The following ARID2 variants were observed in gnomAD, a reference collection of about 807,000 sequenced individuals.
The protein encoded by ARID2 is AT-rich interactive domain-containing protein 2.
In ARID2, 32 loss-of-function variants were observed where a neutral mutation model predicts 184.6. That is an observed-to-expected ratio of 0.17 (90% CI 0.13 to 0.23). ARID2 has a LOEUF of 0.23. Among genes scored for constraint, ARID2 ranks in the 10% least tolerant of loss-of-function variants. The probability of loss-of-function intolerance (pLI) is 1.00; values close to 1 mark genes in which losing one functional copy is unlikely to be tolerated. For missense variants in ARID2, 1,696 were observed against 2,197.6 expected, an observed-to-expected ratio of 0.77 and a Z score of 4.56; for synonymous variants, 836 against 772.6, an observed-to-expected ratio of 1.08 and a Z score of -1.36.
chr12:45,855,972 C>T (rs1475772450), intron 15 of ARID2, among the ~76,000 whole-genome samples: 2 of 152,062 alleles, frequency 1.3e-5, no homozygotes, highest in Admixed American at 1.3e-4. Flanking sequence ...CTTGAGTGAT[C>T]CCCGCGCCTT....
rs535489501 is a variant in ARID2, at chr12:45,746,896, A to G, written c.284+15582A>G. Among the ~76,000 whole-genome samples, 200 of 152,216 alleles carry G rather than the reference A, an allele frequency of 1.3e-3. 1 individual carries two copies. The highest frequency in any genetic ancestry group is 4.6e-3 in the African/African-American group (193 of 41,536). ...ATTCTCCTGCCTCAGCCTCCCGAGT[A>G]GCTGGGACTACAGGCGCTCGCCACC... On this transcript the variant is annotated intron_variant, in intron 3 of 20. Transcript: ENST00000334344.
At chr12:45,834,882 G>C (rs1404990563) in intron 6 of ARID2, among the ~76,000 whole-genome samples, 1 of 151,934 alleles carries the variant, frequency 6.6e-6, no homozygotes, top group Admixed American at 6.6e-5. Context: ...AGTTTGTAGT[G>C]CTTCTGAAAT....
intron 20 of ARID2, among the ~76,000 whole-genome samples, chr12:45,900,121 C>T (rs890932468): frequency 3.3e-5 from 5 of 152,046 alleles, no homozygotes; most frequent in East Asian, 1.9e-4. Flanking sequence ...AGTTCCGTGG[C>T]GTGATCTCGG....
At chr12:45,900,471 C>A (rs1298187911) in intron 20 of ARID2, among the ~76,000 whole-genome samples, 1 of 152,156 alleles carries the variant, frequency 6.6e-6, no homozygotes, top group Non-Finnish European at 1.5e-5. Context: ...ATCTTTCAAG[C>A]CTGTCAATAA....
rs766885599 is a variant in ARID2, at chr12:45,851,803, A to G, written c.3680A>G (p.Gln1227Arg). ...GCCACTCAAGCATCTCCTGCTGGAC[A>G]ATCATCATGTACTACTGCTACTCCC... ...LPATQASPAG[Q>R]SSCTTATPPF... Residue 1227 changes from glutamine to arginine, a missense_variant, in exon 15 of 21, where the codon CAA (glutamine) becomes CGA (arginine). Coordinates refer to ENST00000334344, the MANE Select transcript of ARID2 (RefSeq NM_152641.4). The G allele has an allele frequency of 6.2e-6, 10 of 1,614,178 alleles. No homozygotes were observed. Among genetic ancestry groups the G allele is most frequent in the South Asian group, 4.4e-5 (4 of 91,088 alleles).
At chr12:45,901,353 G>C (rs1432437588) in intron 20 of ARID2, among the ~76,000 whole-genome samples, 1 of 151,066 alleles carries the variant, frequency 6.6e-6, no homozygotes, top group African/African-American at 2.4e-5. Context: ...TGTATATTTA[G>C]TAGAGACAGG....
At position 45,899,711 on chromosome 12, in the gene ARID2, TTA is replaced by T. The variant is rs1223363269; in HGVS notation, c.5364-5213_5364-5212del. Among the ~76,000 whole-genome samples, 6 of 132,960 alleles carry T rather than the reference TTA, an allele frequency of 4.5e-5. 1 individual carries two copies. The highest frequency in any genetic ancestry group is 4.3e-4 in the East Asian group (2 of 4,700). 87.2% of individuals were successfully genotyped at this position (132,960 alleles called of 152,430 possible). A position where few individuals can be genotyped will look rare whatever the true frequency, so the allele number is the denominator to read the frequency against. ...TATATATGGTTATATATATATATGG[TTA>T]TATATATATGGTTATATATATATGG... is the stretch of plus-strand genomic sequence containing the variant. On this transcript the variant is annotated intron_variant, in intron 20 of 20. Transcript: ENST00000334344.
intron 4 of ARID2, among the ~76,000 whole-genome samples, 173 bp downstream of exon 4, chr12:45,811,724 G>A (rs1325081933): frequency 6.6e-6 from 1 of 152,124 alleles, no homozygotes; most frequent in African/African-American, 2.4e-5. Context: ...TCTCTCACAG[G>A]TTACTTGAGA....
intron 5 of ARID2, 43 bp downstream of exon 5, chr12:45,817,931 G>GTTT: frequency 1.5e-6 from 2 of 1,331,494 alleles, no homozygotes; most frequent in South Asian, 1.5e-5. Context: ...TTCTGTAAAA[G>GTTT]TTTTTTTTTT....
chr12:45,889,135 T>C (rs1410552830), intron 16 of ARID2, among the ~76,000 whole-genome samples: 1 of 152,170 alleles, frequency 6.6e-6, no homozygotes, highest in East Asian at 1.9e-4. Context: ...TGAGCCAAGA[T>C]TGTGCCCCTG....
chr12:45,863,588 T>C (rs1943784283), intron 16 of ARID2, among the ~76,000 whole-genome samples: 1 of 151,896 alleles, frequency 6.6e-6, no homozygotes, highest in Non-Finnish European at 1.5e-5. Context: ...CACTGTCTCT[T>C]TTTAAAAAAA....
At chr12:45,825,586 T>A (rs1479696726) in intron 6 of ARID2, among the ~76,000 whole-genome samples, 1 of 152,204 alleles carries the variant, frequency 6.6e-6, no homozygotes, top group East Asian at 1.9e-4. Flanking sequence ...GTATTATAAA[T>A]TGTCTTTAAT....
intron 3 of ARID2, among the ~76,000 whole-genome samples, chr12:45,758,372 G>A (rs1456469505): frequency 6.6e-6 from 1 of 151,612 alleles, no homozygotes; most frequent in Non-Finnish European, 1.5e-5. Flanking sequence ...TTTTTTGTGC[G>A]ATCGATTTTT....
chr12:45,904,277 C>T (rs894877017), intron 20 of ARID2: 4 of 699,736 alleles, frequency 5.7e-6, no homozygotes, highest in Non-Finnish European at 5.3e-6. Context: ...TTCATGTCAT[C>T]CCTTAAAAGC....
intron 20 of ARID2, among the ~76,000 whole-genome samples, chr12:45,901,228 T>TG (rs1174233306): frequency 3.8e-5 from 5 of 130,100 alleles, no homozygotes; most frequent in African/African-American, 2.9e-5. Context: ...TGGAATGCAG[T>TG]GGCACGATCT....
At chr12:45,904,345 CATGA>C (rs746713010) in intron 20 of ARID2, 7 of 715,888 alleles carry the variant, frequency 9.8e-6, no homozygotes, top group South Asian at 3.0e-5. Flanking sequence ...TTTCTAGAAA[CATGA>C]ATGAAGATTG....
intron 3 of ARID2, among the ~76,000 whole-genome samples, chr12:45,737,434 C>G (rs1216398491): frequency 1.3e-5 from 2 of 151,156 alleles, no homozygotes; most frequent in African/African-American, 4.9e-5. Flanking sequence ...TAAATTCTGG[C>G]TTTGATTGCT....
chr12:45,861,209 A>G (rs987732226), intron 16 of ARID2, among the ~76,000 whole-genome samples: 12 of 152,220 alleles, frequency 7.9e-5, no homozygotes, highest in Admixed American at 3.3e-4. Flanking sequence ...AAGAAAATCA[A>G]TTAAGAATTT....
intron 16 of ARID2, among the ~76,000 whole-genome samples, chr12:45,870,251 G>T (rs1040864408): frequency 6.6e-6 from 1 of 152,100 alleles, no homozygotes; most frequent in Non-Finnish European, 1.5e-5. Context: ...GCCTCCCAAA[G>T]TGCTGGGATT....
Sources: gnomAD v4.1 joint callset for allele counts (sites outside exome capture counted in the v4.1 genomes callset) on GRCh38, gnomAD v4.1.1 for gene constraint, MANE v1.5 for transcripts, NCBI Gene and HGNC (gene_info 2026-07-23, HGNC 2026-07-21) for gene names.